Variants in UTP20 observed in about 807,000 individuals in gnomAD.
The protein encoded by UTP20 is UTP20 small subunit processome component.
Under a neutral mutation model 329.5 loss-of-function variants are expected in UTP20, and 164 were observed. The observed-to-expected ratio is 0.50, with a 90% CI of 0.44 to 0.57. UTP20 has a LOEUF of 0.57. Ranked by LOEUF, UTP20 falls within the 20% of genes least tolerant of loss-of-function variation. UTP20 has a pLI of 0.00. For missense variants in UTP20, 3,055 were observed against 3,284.2 expected (o/e 0.93, Z 1.71); for synonymous variants, 1,151 against 1,159.3 (o/e 0.99, Z 0.14).
chr12:101,373,804 C>G lies in UTP20; in HGVS notation c.7131+37C>G, dbSNP rs1870380245. The G allele has an allele frequency of 3.1e-6, 5 of 1,591,020 alleles. No homozygotes were observed. In the African/African-American group the frequency reaches 6.8e-5, roughly 22 times the overall value. ...TTTTAGTCACAGTTCAGTGACAAGTCTTAGCTTTGGGGATCATAGTTTAAG... is the reference window on the plus strand; with the variant it reads ...TTTTAGTCACAGTTCAGTGACAAGTGTTAGCTTTGGGGATCATAGTTTAAG... On this transcript the variant is annotated intron_variant, in intron 54 of 61. Coordinates refer to ENST00000261637, the MANE Select transcript of UTP20 (RefSeq NM_014503.3).
intron 8 of UTP20, 135 bp downstream of exon 8, chr12:101,291,023 A>C: frequency 1.1e-6 from 1 of 934,476 alleles, no homozygotes; most frequent in Admixed American, 3.7e-5. Flanking sequence ...CACATATTAA[A>C]ATTTTCCTTC....
chr12:101,287,121 T>A (rs1052602758), intron 5 of UTP20, among the ~76,000 whole-genome samples: 1 of 152,226 alleles, frequency 6.6e-6, no homozygotes, highest in Non-Finnish European at 1.5e-5. Flanking sequence ...TGTTTTCATG[T>A]TCTATAATTG....
rs562412473 is a variant in UTP20 at position 101,370,524 on chromosome 12, T to C, written c.6648T>C (p.Tyr2216=). ...TGGCCTATGCTGAGGAGGACATTTA[T>C]GATACTTCAAGACAAGCCACTGCCT... ...VLLAYAEEDI[Y]DTSRQATAFG... The change falls in exon 50 of 62, where the codon TAT becomes TAC. Residue 2216 remains tyrosine, a synonymous_variant. Coordinates refer to ENST00000261637, the MANE Select transcript of UTP20 (RefSeq NM_014503.3). 6.2e-7 allele frequency: 1 copy of C among 1,614,024 alleles called. No homozygotes were observed. The highest frequency in any genetic ancestry group is 1.1e-5 in the South Asian group (1 of 91,006).
At chr12:101,361,021 G>C (rs1474501423) in intron 43 of UTP20, among the ~76,000 whole-genome samples, 1 of 152,134 alleles carries the variant, frequency 6.6e-6, no homozygotes, top group Admixed American at 6.6e-5. Context: ...TGTGGAGCCT[G>C]GGACTCTGGT....
intron 27 of UTP20, among the ~76,000 whole-genome samples, chr12:101,331,351 AAT>A (rs1255114598): frequency 3.3e-5 from 5 of 152,180 alleles, no homozygotes; most frequent in African/African-American, 9.7e-5. Flanking sequence ...TGCTCCATAT[AAT>A]ATGTTTTTTC....
intron 17 of UTP20, 41 bp downstream of exon 17, chr12:101,306,802 A>T (rs774006880): frequency 6.6e-7 from 1 of 1,520,380 alleles, no homozygotes; most frequent in South Asian, 1.2e-5. Context: ...AAAAAAATAT[A>T]GTTTTACATA....
At chr12:101,312,657 C>T (rs920156820) in intron 21 of UTP20, among the ~76,000 whole-genome samples, 1 of 152,218 alleles carries the variant, frequency 6.6e-6, no homozygotes, top group African/African-American at 2.4e-5. Context: ...TCAGGCTGTT[C>T]TTGAACTCCT....
chr12:101,365,110 G>GTGTGTGTA (rs1491005755), intron 45 of UTP20, among the ~76,000 whole-genome samples: 1 of 150,246 alleles, frequency 6.7e-6, no homozygotes, highest in African/African-American at 2.5e-5. Context: ...GTGTGTGTGT[G>GTGTGTGTA]TTTGCCTCTA....
Position 101,355,070 on chromosome 12 carries a change from C to T in UTP20, c.5346C>T (p.Thr1782=), listed in dbSNP as rs566720419. 1 of 1,614,112 alleles carries T rather than the reference C, an allele frequency of 6.2e-7. No homozygotes were observed. The highest frequency in any genetic ancestry group is 1.1e-5 in the South Asian group (1 of 91,074). ...IERTIKNIQG[T]ITGDILPRLH... is the part of the protein sequence containing the mutation. ...GAACAATTAAAAATATCCAAGGAAC[C>T]ATAACCGGGGATATTCTCCCCAGGC... is the stretch of plus-strand genomic sequence containing the variant. The change falls in exon 41 of 62, where the codon ACC becomes ACT. Residue 1782 remains threonine, a synonymous_variant. Transcript: ENST00000261637.
rs1869256873 is a variant in UTP20, at chr12:101,344,585, T to A, written c.4450-10T>A. 1 of 917,578 alleles carries A rather than the reference T, an allele frequency of 1.1e-6. No homozygotes were observed. The highest frequency in any genetic ancestry group is 1.8e-6 in the Non-Finnish European group (1 of 546,290). The allele number at this position is 917,578 out of a possible 1,614,324, so 56.8% of individuals were successfully genotyped here. A position where few individuals can be genotyped will look rare whatever the true frequency, so the allele number is the denominator to read the frequency against. On this transcript the variant is annotated splice_polypyrimidine_tract_variant and intron_variant, in intron 35 of 61. Transcript: ENST00000261637. ...GAGAATAATTTCTTTTTTATTTCTC[T>A]TTTTTGCAGTTAGGAGATATGAGTT...
chr12:101,369,737 T>TA lies in UTP20; in HGVS notation c.6402dup (p.Gln2135ThrfsTer67). The TA allele has an allele frequency of 6.3e-7, 1 of 1,583,018 alleles. No homozygotes were observed. Among genetic ancestry groups the TA allele is most frequent in the Non-Finnish European group, 8.7e-7 (1 of 1,151,932 alleles). Reference sequence around the variant, plus strand: ...TTTTTTCAGGTGATCACAGGTGCTTTACAGTGCCTCATCTGGGTCTTGAGG... The same window carrying TA: ...TTTTTTCAGGTGATCACAGGTGCTTTAACAGTGCCTCATCTGGGTCTTGAGG... On this transcript the variant is annotated frameshift_variant, in exon 49 of 62. Transcript: ENST00000261637. LOFTEE classifies it high-confidence loss of function.
chr12:101,298,279 G>A (rs750926964), intron 12 of UTP20, among the ~76,000 whole-genome samples: 12 of 152,116 alleles, frequency 7.9e-5, no homozygotes, highest in Admixed American at 6.5e-4. Flanking sequence ...GATCCTGATC[G>A]TGATAAAAGA....
intron 35 of UTP20, 141 bp downstream of exon 35, chr12:101,343,234 T>C: frequency 1.8e-6 from 1 of 557,116 alleles, no homozygotes; most frequent in Non-Finnish European, 3.0e-6. Context: ...AGATGAAGAA[T>C]CTTATGTCTG....
At chr12:101,358,041 A>G (rs1437322043) in intron 43 of UTP20, among the ~76,000 whole-genome samples, 1 of 152,158 alleles carries the variant, frequency 6.6e-6, no homozygotes. Flanking sequence ...AAAGAAAACA[A>G]TTTTGGTACA....
intron 16 of UTP20, among the ~76,000 whole-genome samples, chr12:101,306,479 GT>G (rs1220921429): frequency 3.0e-4 from 45 of 152,240 alleles, no homozygotes; most frequent in African/African-American, 8.9e-4. Flanking sequence ...CATGGTTATA[GT>G]GTCATAGTTC....
chr12:101,329,672 C>T (rs1027865551), intron 27 of UTP20, among the ~76,000 whole-genome samples: 4 of 151,936 alleles, frequency 2.6e-5, no homozygotes, highest in African/African-American at 9.7e-5. Context: ...AAAATTTTAC[C>T]TATAATGAGG....
rs1009154644 is a variant in UTP20 at position 101,379,417 on chromosome 12, C to G, written c.7443C>G (p.Leu2481=). ...GACATCCACACAACTGGGTGTGGCT[C>G]ACAGCAGCCCAGATTTTTGGATTAC... ...HLRHPHNWVW[L]TAAQIFGLLF... The change falls in exon 57 of 62, where the codon CTC becomes CTG. Residue 2481 remains leucine (L), a synonymous_variant. Coordinates refer to ENST00000261637, the MANE Select transcript of UTP20 (RefSeq NM_014503.3). 14 of 1,613,926 alleles carry G rather than the reference C, an allele frequency of 8.7e-6. No homozygotes were observed. The highest frequency in any genetic ancestry group is 1.2e-5 in the Non-Finnish European group (14 of 1,179,888).
At chr12:101,285,659 T>A (rs1267974384) in intron 3 of UTP20, 23 bp downstream of exon 3, 15 of 1,613,630 alleles carry the variant, frequency 9.3e-6, no homozygotes, top group Non-Finnish European at 1.3e-5. Flanking sequence ...TCGTTTCTAT[T>A]TTATTCACCC....
intron 60 of UTP20, among the ~76,000 whole-genome samples, chr12:101,384,661 T>C (rs1229449305): frequency 6.6e-6 from 1 of 152,184 alleles, no homozygotes; most frequent in South Asian, 2.1e-4. Context: ...CTTATTCTAA[T>C]TGTTGGTAAT....
Sources: gnomAD v4.1 joint callset for allele counts (sites outside exome capture counted in the v4.1 genomes callset) on GRCh38, gnomAD v4.1.1 for gene constraint, MANE v1.5 for transcripts, NCBI Gene and HGNC (gene_info 2026-07-23, HGNC 2026-07-21) for gene names.